The following PDE8B variants were observed in gnomAD, a reference collection of about 807,000 sequenced individuals.
PDE8B encodes phosphodiesterase 8B.
PDE8B carries 26 observed loss-of-function variants against 101.3 expected under a neutral mutation model. The observed-to-expected ratio is 0.26, with a 90% CI of 0.19 to 0.36. The LOEUF is 0.36. Ranked by LOEUF, PDE8B falls within the 10% of genes least tolerant of loss-of-function variation. The pLI, the probability that PDE8B is intolerant of heterozygous loss-of-function variation, is 1.00. For synonymous variants in PDE8B, 424 were observed against 429.3 expected (o/e 0.99, Z 0.15); for missense variants, 810 against 1,163.1 (o/e 0.70, Z 4.42).
chr5:77,233,900 G>T (rs912760720), intron 1 of PDE8B, among the ~76,000 whole-genome samples: 3 of 151,722 alleles, frequency 2.0e-5, no homozygotes, highest in Admixed American at 6.6e-5. Context: ...TTCACTGACT[G>T]GTGTTTACGG....
rs148004411 is a variant in PDE8B at position 77,428,133 on chromosome 5, T to C, written c.*1579T>C. 2.4e-4 allele frequency: 36 copies of C among 152,370 alleles called. No homozygotes were observed. The highest frequency in any genetic ancestry group is 3.4e-3 in the Middle Eastern group (1 of 294). The allele number at this position is 152,370 out of a possible 1,614,324, so 9.4% of individuals were successfully genotyped here. On this transcript the variant is annotated 3_prime_UTR_variant, in exon 22 of 22. Coordinates refer to ENST00000264917, the MANE Select transcript of PDE8B (RefSeq NM_003719.5). ...CAGCCAGCTTTGTATTGTAATGCTA[T>C]ATTATGTAAATGTGATGAAAATGTT...
At chr5:77,295,369 G>A (rs532595446) in intron 1 of PDE8B, among the ~76,000 whole-genome samples, 30 of 152,280 alleles carry the variant, frequency 2.0e-4, no homozygotes, top group African/African-American at 6.5e-4. Context: ...TGGTTGACAC[G>A]TGAGACTTTG....
intron 1 of PDE8B, among the ~76,000 whole-genome samples, chr5:77,294,899 G>A (rs2149982996): frequency 6.7e-6 from 1 of 148,352 alleles, no homozygotes; most frequent in South Asian, 2.1e-4. Context: ...ATCTAGATAG[G>A]TCCACATATA....
intron 12 of PDE8B, among the ~76,000 whole-genome samples, chr5:77,405,922 A>G (rs2151046093): frequency 6.6e-6 from 1 of 152,306 alleles, no homozygotes; most frequent in Non-Finnish European, 1.5e-5. Context: ...GTAACTTAAG[A>G]GAGTCAACAG....
At chr5:77,215,915 C>T (rs546452961) in intron 1 of PDE8B, among the ~76,000 whole-genome samples, 40 of 152,280 alleles carry the variant, frequency 2.6e-4, no homozygotes, top group African/African-American at 9.4e-4. Flanking sequence ...AAGGTGACAG[C>T]TGTTGAACCA....
At chr5:77,359,016 T>A (rs1782621098) in intron 10 of PDE8B, among the ~76,000 whole-genome samples, 2 of 152,206 alleles carry the variant, frequency 1.3e-5, no homozygotes, top group African/African-American at 4.8e-5. Context: ...CACATTTTTT[T>A]TTCCTGAGAA....
chr5:77,407,601 C>A, intron 13 of PDE8B, 144 bp downstream of exon 13: 1 of 695,962 alleles, frequency 1.4e-6, no homozygotes, highest in Non-Finnish European at 2.6e-6. Flanking sequence ...CAAATAAACA[C>A]CTCATCCTAA....
chr5:77,262,678 C>T (rs1426125383), intron 1 of PDE8B, among the ~76,000 whole-genome samples: 1 of 152,204 alleles, frequency 6.6e-6, no homozygotes, highest in Non-Finnish European at 1.5e-5. Flanking sequence ...TTGGTTGTGC[C>T]TCTGATTTTC....
chr5:77,212,289 A>G (rs374268252), intron 1 of PDE8B, among the ~76,000 whole-genome samples: 12 of 152,244 alleles, frequency 7.9e-5, no homozygotes, highest in African/African-American at 2.9e-4. Flanking sequence ...ATAGGTTACC[A>G]AGAACCATTC....
Position 77,211,663 on chromosome 5 carries a change from C to T in PDE8B, c.339+399C>T, listed in dbSNP as rs1372038337. 4.6e-5 allele frequency among the ~76,000 whole-genome samples: 7 copies of T among 152,152 alleles called. No individual in the cohort carries two copies. Among genetic ancestry groups the T allele is most frequent in the Admixed American group, 4.6e-4 (7 of 15,284 alleles). On this transcript the variant is annotated intron_variant, in intron 1 of 21. Coordinates refer to ENST00000264917, the MANE Select transcript of PDE8B (RefSeq NM_003719.5). This position sits in a 1 kb window ranked among gnomAD's most constrained non-coding sequence, Gnocchi z 4.1. Reference sequence around the variant, plus strand: ...CTGAGCACTGAGCTGGATTTGCGTGCCTTGTAGGTGACTGGTGCAGTTGCA... The same window carrying T: ...CTGAGCACTGAGCTGGATTTGCGTGTCTTGTAGGTGACTGGTGCAGTTGCA...
intron 1 of PDE8B, among the ~76,000 whole-genome samples, chr5:77,271,046 C>T (rs1561448133): frequency 6.6e-6 from 1 of 152,166 alleles, no homozygotes; most frequent in Non-Finnish European, 1.5e-5. Flanking sequence ...GGCTAAGCTC[C>T]CAAGGGGATG....
chr5:77,307,094 C>T (rs1311853661), intron 1 of PDE8B, among the ~76,000 whole-genome samples: 1 of 152,136 alleles, frequency 6.6e-6, no homozygotes, highest in African/African-American at 2.4e-5. Context: ...AAAGAGAGCT[C>T]CTTCCTGTGT....
At chr5:77,256,934 A>G (rs1759306398) in intron 1 of PDE8B, among the ~76,000 whole-genome samples, 1 of 152,192 alleles carries the variant, frequency 6.6e-6, no homozygotes, top group Non-Finnish European at 1.5e-5. Context: ...CTGTTATTCA[A>G]TTTATTTAAG....
chr5:77,361,624 C>T (rs942336010), intron 10 of PDE8B, among the ~76,000 whole-genome samples: 2 of 151,912 alleles, frequency 1.3e-5, no homozygotes, highest in Non-Finnish European at 2.9e-5. Flanking sequence ...ACGCCATTCT[C>T]CCGCCTCAGC....
chr5:77,259,856 T>C (rs1333302308), intron 1 of PDE8B, among the ~76,000 whole-genome samples: 3 of 151,946 alleles, frequency 2.0e-5, no homozygotes, highest in Non-Finnish European at 4.4e-5. Context: ...TGGAAAAAAG[T>C]TTGACTATAG....
At chr5:77,184,709 A>G in the PDE8B span, among the ~76,000 whole-genome samples, 2 of 152,096 alleles carry the variant, frequency 1.3e-5, no homozygotes, top group Non-Finnish European at 2.9e-5. Context: ...GCTGGGCATG[A>G]TGGCTCACAC....
At chr5:77,292,210 A>G (rs1767525639) in intron 1 of PDE8B, among the ~76,000 whole-genome samples, 1 of 152,124 alleles carries the variant, frequency 6.6e-6, no homozygotes, top group Admixed American at 6.5e-5. Flanking sequence ...GCTGGGGTGC[A>G]TCTTGTCACA....
chr5:77,097,977 A>AT, the PDE8B span, among the ~76,000 whole-genome samples: 1 of 151,252 alleles, frequency 6.6e-6, no homozygotes, highest in Non-Finnish European at 1.5e-5. Context: ...GGTAGCTTCT[A>AT]TTTTCTAGGG....
At chr5:77,276,520 A>G (rs184233925) in intron 1 of PDE8B, among the ~76,000 whole-genome samples, 80 of 152,346 alleles carry the variant, frequency 5.3e-4, no homozygotes, top group Middle Eastern at 3.4e-3. Flanking sequence ...GGAGTCTTCA[A>G]TAAATACCTG....
Sources: gnomAD v4.1 joint callset for allele counts (sites outside exome capture counted in the v4.1 genomes callset) on GRCh38, gnomAD v4.1.1 for gene constraint, Gnocchi (gnomAD v3.1) non-coding constraint, MANE v1.5 for transcripts, NCBI Gene and HGNC (gene_info 2026-07-23, HGNC 2026-07-21) for gene names.